The following PPARGC1B variants were observed in gnomAD, a reference collection of about 807,000 sequenced individuals.
PPARGC1B encodes peroxisome proliferator-activated receptor gamma coactivator 1-beta.
A neutral mutation model predicts 101.6 loss-of-function variants in PPARGC1B; 34 were observed. The ratio of observed to expected loss-of-function variants is 0.33; its 90% CI spans 0.25 to 0.45. The LOEUF (loss-of-function observed/expected upper bound fraction) is 0.45, where lower values mean the gene tolerates loss of function less well. PPARGC1B is among the 20% of genes least tolerant of loss of function. The probability of loss-of-function intolerance (pLI) is 1.00; values close to 1 mark genes in which losing one functional copy is unlikely to be tolerated. For synonymous variants in PPARGC1B, 548 were observed against 539.3 expected (o/e 1.02, Z -0.22); for missense variants, 1,234 against 1,317.6 (o/e 0.94, Z 0.98).
intron 1 of PPARGC1B, among the ~76,000 whole-genome samples, chr5:149,786,871 C>T (rs1422429): frequency 0.45 from 68,045 of 152,022 alleles, 15,473 homozygotes; most frequent in East Asian, 0.7. Context: ...TATTAATGCA[C>T]TTGGTGCCTG....
chr5:149,743,680 A>G (rs1321109480), intron 1 of PPARGC1B, among the ~76,000 whole-genome samples: 3 of 152,180 alleles, frequency 2.0e-5, no homozygotes, highest in Non-Finnish European at 4.4e-5. Context: ...GAGACGTGCT[A>G]GGATGTGTGG....
At chr5:149,809,713 AAT>A (rs1757773512) in intron 1 of PPARGC1B, among the ~76,000 whole-genome samples, 2 of 148,462 alleles carry the variant, frequency 1.3e-5, no homozygotes, top group Non-Finnish European at 3.0e-5. Context: ...AAAAAAAAAA[AAT>A]TAATCAATTT....
At chr5:149,732,096 G>A (rs1476546913) in intron 1 of PPARGC1B, among the ~76,000 whole-genome samples, 1 of 152,070 alleles carries the variant, frequency 6.6e-6, no homozygotes, top group African/African-American at 2.4e-5. Flanking sequence ...CGCGCGCGCC[G>A]GGCGCGTACC....
Position 149,832,920 on chromosome 5 carries a change from G to C in PPARGC1B, c.847G>C (p.Asp283His). The C allele has an allele frequency of 6.2e-7, 1 of 1,613,218 alleles. No homozygotes were observed. The highest frequency in any genetic ancestry group is 8.5e-7 in the Non-Finnish European group (1 of 1,180,030). Reference protein sequence around the residue: ...ADPGAPVSQEDMQAMVQLIRY... With the variant: ...ADPGAPVSQEHMQAMVQLIRY... ...CCCCGGTGCCCCGGTTTCCCAGGAA[G>C]ACATGCAGGCGATGGTGCAACTCAT... Residue 283 changes from aspartate (D) to histidine (H), a missense_variant, in exon 5 of 12, where the codon GAC becomes CAC. Physicochemically the swap from Asp to His is moderately conservative, Grantham distance 81. This residue lies in a region of PPARGC1B where 734 missense variants were observed against 768.4 expected (regional missense o/e 0.96). Coordinates refer to ENST00000309241, the MANE Select transcript of PPARGC1B (RefSeq NM_133263.4). This position sits in a 1 kb window ranked among gnomAD's most constrained non-coding sequence, Gnocchi z 4.9.
intron 1 of PPARGC1B, among the ~76,000 whole-genome samples, chr5:149,814,221 G>A (rs1757967452): frequency 6.6e-6 from 1 of 152,150 alleles, no homozygotes; most frequent in Non-Finnish European, 1.5e-5. Flanking sequence ...AGTGTTAACC[G>A]CAAAGCCAGT....
rs753057267 is a variant in PPARGC1B, at chr5:149,833,723, G to C, written c.1650G>C (p.Glu550Asp). The C allele has an allele frequency of 2.5e-6, 4 of 1,597,218 alleles. No individual in the cohort carries two copies. In the South Asian group the frequency reaches 3.4e-5, roughly 14 times the overall value. Residue 550 changes from glutamate to aspartate, a missense_variant, in exon 5 of 12, where the codon GAG becomes GAC. Transcript: ENST00000309241. This position sits in a 1 kb window ranked among gnomAD's most constrained non-coding sequence, Gnocchi z 4.1. Reference sequence around the variant, plus strand: ...TCCCTGCCCTGGAGAGCCCCTGTGAGAGTGGGTGTGGGGACATGGATGAGG... The same window carrying C: ...TCCCTGCCCTGGAGAGCCCCTGTGACAGTGGGTGTGGGGACATGGATGAGG... ...PQIPALESPC[E>D]SGCGDMDEDP...
In PPARGC1B at chr5:149,851,383, G is replaced by C. The variant is rs953043835; in HGVS notation, c.*3825G>C. On this transcript the variant is annotated 3_prime_UTR_variant, in exon 12 of 12. Transcript: ENST00000309241. Reference sequence around the variant, plus strand: ...ATAGAGTTCAGTTAATCCCATTTGAGCCTGCAGCTTAAGAGATGGCTCATC... The same window carrying C: ...ATAGAGTTCAGTTAATCCCATTTGACCCTGCAGCTTAAGAGATGGCTCATC... The C allele has an allele frequency of 6.6e-6, 1 of 152,196 alleles. No homozygotes were observed. Among genetic ancestry groups the C allele is most frequent in the African/African-American group, 2.4e-5 (1 of 41,432 alleles). 9.4% of individuals were successfully genotyped at this position (152,196 alleles called of 1,614,324 possible). A position where few individuals can be genotyped will look rare whatever the true frequency, so the allele number is the denominator to read the frequency against.
chr5:149,846,501 G>T (rs1423925875), intron 11 of PPARGC1B: 1 of 155,528 alleles, frequency 6.4e-6, no homozygotes, highest in Admixed American at 6.4e-5. Context: ...AGGCATGGTG[G>T]CTTGCGCCTA....
At chr5:149,755,945 A>G (rs1395692765) in intron 1 of PPARGC1B, among the ~76,000 whole-genome samples, 1 of 152,090 alleles carries the variant, frequency 6.6e-6, no homozygotes, top group Non-Finnish European at 1.5e-5. Context: ...TGCCCGGCCT[A>G]TGGTGTCATT....
At position 149,730,805 on chromosome 5, in the gene PPARGC1B, C is replaced by T. The variant is rs1476122464; in HGVS notation, c.78+385C>T. Among the ~76,000 whole-genome samples, 2 of 152,192 alleles carry T rather than the reference C, an allele frequency of 1.3e-5. No individual in the cohort carries two copies. Among genetic ancestry groups the T allele is most frequent in the African/African-American group, 4.8e-5 (2 of 41,464 alleles). On this transcript the variant is annotated intron_variant, in intron 1 of 11. Coordinates refer to ENST00000309241, the MANE Select transcript of PPARGC1B (RefSeq NM_133263.4). The surrounding 1 kb of genome is among the most constrained non-coding windows in gnomAD (Gnocchi z 4.0). ...GCCGTCAGCGCCCGGCACTTGCTGC[C>T]GTACTTTCACGTGGACTTGTGGCCC...
intron 1 of PPARGC1B, among the ~76,000 whole-genome samples, chr5:149,774,895 G>A (rs558525120): frequency 6.6e-6 from 1 of 152,236 alleles, no homozygotes; most frequent in South Asian, 2.1e-4. Flanking sequence ...TAGTGGTTGG[G>A]TTCTATCCCT....
At chr5:149,789,940 G>A (rs547149442) in intron 1 of PPARGC1B, among the ~76,000 whole-genome samples, 1 of 152,292 alleles carries the variant, frequency 6.6e-6, no homozygotes, top group East Asian at 1.9e-4. Flanking sequence ...CCTTGTGGGA[G>A]GTAAGGAAGG....
chr5:149,795,010 C>G (rs1350172345), intron 1 of PPARGC1B, among the ~76,000 whole-genome samples: 1 of 152,204 alleles, frequency 6.6e-6, no homozygotes, highest in African/African-American at 2.4e-5. Flanking sequence ...TTGACGTCAA[C>G]GGGTCAGCTA....
Position 149,840,101 on chromosome 5 carries a change from G to T in PPARGC1B, c.2679G>T (p.Arg893=), listed in dbSNP as rs770334894. ...RTPSIRHARK[R]REKAIGEGRV... The stretch of plus-strand genomic sequence containing the variant: ...CAAGCATCCGGCACGCCAGGAAGCG[G>T]CGGGAAAAGGCCATTGTAAGTGATC... The change falls in exon 9 of 12, where the codon CGG becomes CGT. Residue 893 remains arginine, a synonymous_variant. Transcript: ENST00000309241. 1.2e-6 allele frequency: 2 copies of T among 1,613,194 alleles called. No individual in the cohort carries two copies. The highest frequency in any genetic ancestry group is 1.7e-6 in the Non-Finnish European group (2 of 1,179,580).
At chr5:149,790,229 C>A (rs1175656719) in intron 1 of PPARGC1B, among the ~76,000 whole-genome samples, 2 of 152,050 alleles carry the variant, frequency 1.3e-5, no homozygotes, top group Non-Finnish European at 2.9e-5. Context: ...GTCAAAAGGA[C>A]CAGAATGATA....
intron 1 of PPARGC1B, among the ~76,000 whole-genome samples, chr5:149,811,817 G>C (rs975370408): frequency 1.3e-4 from 20 of 152,252 alleles, no homozygotes; most frequent in African/African-American, 4.8e-4. Context: ...TCCCAGGGCA[G>C]TGTCAGGGAT....
intron 1 of PPARGC1B, among the ~76,000 whole-genome samples, chr5:149,736,858 G>C (rs751170544): frequency 6.6e-6 from 1 of 151,818 alleles, no homozygotes; most frequent in African/African-American, 2.4e-5. Context: ...AACATGCATA[G>C]CCTCCCCCAT....
rs202177001 is a variant in PPARGC1B at position 149,836,288 on chromosome 5, G to A, written c.1833G>A (p.Pro611=). 263 of 1,599,400 alleles carry A rather than the reference G, an allele frequency of 1.6e-4. 1 individual carries two copies. The highest frequency in any genetic ancestry group is 1.3e-4 in the Non-Finnish European group (155 of 1,172,852). The stretch of plus-strand genomic sequence containing the variant: ...GACTCACCCCACCCACCACACCACC[G>A]TACAAGCCCACAGAGGAGGATCCCT... ...TAGLTPPTTP[P]YKPTEEDPFK... The change falls in exon 8 of 12, where the codon CCG becomes CCA. Residue 611 remains proline, a synonymous_variant. Coordinates refer to ENST00000309241, the MANE Select transcript of PPARGC1B (RefSeq NM_133263.4).
chr5:149,806,207 G>A lies in PPARGC1B; in HGVS notation c.79-14226G>A, dbSNP rs1286405567. Among the ~76,000 whole-genome samples, 7 of 152,312 alleles carry A rather than the reference G, an allele frequency of 4.6e-5. No individual in the cohort carries two copies. The East Asian group carries it at 1.4e-3, about 29-fold the overall frequency. ...TGTCTGTTCATAAACCCCAGGAGCC[G>A]GCCACCTGAGAGGGCTGCATATCCT... On this transcript the variant is annotated intron_variant, in intron 1 of 11. Transcript: ENST00000309241.
Sources: gnomAD v4.1 joint callset for allele counts (sites outside exome capture counted in the v4.1 genomes callset) on GRCh38, gnomAD v4.1.1 for gene constraint, gnomAD v4.1.1 regional missense constraint, Gnocchi (gnomAD v3.1) non-coding constraint, MANE v1.5 for transcripts, NCBI Gene and HGNC (gene_info 2026-07-23, HGNC 2026-07-21) for gene names.